RIMS1: variants seen among roughly 807,000 people sequenced by gnomAD.
The protein encoded by RIMS1 is regulating synaptic membrane exocytosis 1.
A neutral mutation model predicts 214.1 loss-of-function variants in RIMS1; 83 were observed. The observed-to-expected ratio is 0.39, with a 90% confidence interval of 0.32 to 0.47. RIMS1 has a LOEUF of 0.47. Ranked by LOEUF, RIMS1 falls within the 20% of genes least tolerant of loss-of-function variation. RIMS1 has a pLI of 0.99. For missense variants in RIMS1, 2,050 were observed against 2,161.8 expected (o/e 0.95, Z 1.03); for synonymous variants, 793 against 786.8 (o/e 1.01, Z -0.13).
chr6:71,979,293 A>G (rs1048221928), intron 2 of RIMS1, among the ~76,000 whole-genome samples: 5 of 152,006 alleles, frequency 3.3e-5, no homozygotes, highest in African/African-American at 1.2e-4. Context: ...TGGCAGCTTT[A>G]CATTAAGCCA....
chr6:72,106,183 G>A lies in RIMS1; in HGVS notation c.471+6197G>A, dbSNP rs9442740. ...TGTAAACTTCAACAGCAAATATTTT[G>A]TTTTCAGAAAGTAATCCTTTTGAAT... On this transcript the variant is annotated intron_variant, in intron 4 of 33. Coordinates refer to ENST00000521978, the MANE Select transcript of RIMS1 (RefSeq NM_014989.7). 2.8e-3 allele frequency among the ~76,000 whole-genome samples: 428 copies of A among 152,132 alleles called. 2 individuals carry two copies. The highest frequency in any genetic ancestry group is 0.01 in the African/African-American group (417 of 41,530).
intron 4 of RIMS1, among the ~76,000 whole-genome samples, chr6:72,175,629 C>T (rs941298152): frequency 3.3e-5 from 5 of 151,486 alleles, no homozygotes; most frequent in East Asian, 1.9e-4. Context: ...GCCAAGATCG[C>T]GACACTGAAC....
chr6:72,193,817 T>A (rs2050438426), intron 6 of RIMS1, among the ~76,000 whole-genome samples: 1 of 152,172 alleles, frequency 6.6e-6, no homozygotes, highest in Non-Finnish European at 1.5e-5. Context: ...ATGTTTATTA[T>A]CATAATTATG....
chr6:72,376,094 A>G (rs768615950), intron 29 of RIMS1, among the ~76,000 whole-genome samples: 1 of 152,146 alleles, frequency 6.6e-6, no homozygotes, highest in Admixed American at 6.5e-5. Flanking sequence ...TAGCACCCCA[A>G]TTTTCTTTTA....
chr6:71,897,527 C>T (rs1772190281), intron 1 of RIMS1, among the ~76,000 whole-genome samples: 3 of 152,142 alleles, frequency 2.0e-5, no homozygotes, highest in Admixed American at 1.3e-4. Context: ...ATACTTTTCT[C>T]TCCATCAGAA....
intron 27 of RIMS1, among the ~76,000 whole-genome samples, chr6:72,309,826 T>C (rs1228512913): frequency 6.6e-6 from 1 of 152,040 alleles, no homozygotes; most frequent in Non-Finnish European, 1.5e-5. Context: ...TTTTCTTATA[T>C]GTCAAGTAGA....
intron 4 of RIMS1, among the ~76,000 whole-genome samples, chr6:72,115,222 A>G (rs931365480): frequency 1.3e-5 from 2 of 151,914 alleles, no homozygotes; most frequent in African/African-American, 4.8e-5. Context: ...ATTTTCTTAG[A>G]CATACCTAAA....
chr6:72,009,455 G>C (rs1049462720), intron 2 of RIMS1, among the ~76,000 whole-genome samples: 1 of 151,984 alleles, frequency 6.6e-6, no homozygotes, highest in African/African-American at 2.4e-5. Context: ...GCTAGCAGAA[G>C]GCAAGAAATA....
At chr6:72,297,661 C>A (rs1478279007) in intron 26 of RIMS1, among the ~76,000 whole-genome samples, 16 of 151,852 alleles carry the variant, frequency 1.1e-4, no homozygotes, top group Admixed American at 1.1e-3. Flanking sequence ...ACAGAATAGA[C>A]CACATTTTTA....
At chr6:72,218,051 A>G (rs2056944778) in intron 6 of RIMS1, among the ~76,000 whole-genome samples, 2 of 151,676 alleles carry the variant, frequency 1.3e-5, no homozygotes, top group South Asian at 4.2e-4. Flanking sequence ...CAATTATTAA[A>G]TGTTCAAAGG....
At chr6:72,039,599 C>T (rs746082499) in intron 2 of RIMS1, among the ~76,000 whole-genome samples, 3 of 152,090 alleles carry the variant, frequency 2.0e-5, no homozygotes, top group Non-Finnish European at 4.4e-5. Context: ...CAAAGTACCT[C>T]TGCCTCCCAA....
intron 2 of RIMS1, among the ~76,000 whole-genome samples, chr6:71,990,583 T>G (rs570617410): frequency 8.0e-4 from 121 of 152,002 alleles, no homozygotes; most frequent in African/African-American, 2.8e-3. Context: ...GGCCTAAGCC[T>G]GCTCCTCCAG....
intron 2 of RIMS1, among the ~76,000 whole-genome samples, chr6:72,065,188 A>C (rs1554209668): frequency 6.6e-6 from 1 of 152,192 alleles, no homozygotes; most frequent in Non-Finnish European, 1.5e-5. Context: ...AACAGGTCTT[A>C]GGCCAAACCC....
At chr6:72,044,065 A>C (rs1017695421) in intron 2 of RIMS1, among the ~76,000 whole-genome samples, 1 of 151,672 alleles carries the variant, frequency 6.6e-6, no homozygotes, top group Non-Finnish European at 1.5e-5. Flanking sequence ...TATTTTTCTG[A>C]GAAATCAGTA....
At chr6:71,943,551 G>A (rs1050913333) in intron 1 of RIMS1, among the ~76,000 whole-genome samples, 31 of 152,148 alleles carry the variant, frequency 2.0e-4, no homozygotes, top group African/African-American at 6.8e-4. Context: ...ATTTAGCACT[G>A]CTTTAATAAT....
intron 1 of RIMS1, among the ~76,000 whole-genome samples, chr6:71,939,628 C>T (rs563049954): frequency 6.6e-6 from 1 of 152,258 alleles, no homozygotes; most frequent in South Asian, 2.1e-4. Flanking sequence ...CAACTTAACA[C>T]TGTGGAAGGC....
At chr6:71,946,903 A>C (rs1279472717) in intron 1 of RIMS1, among the ~76,000 whole-genome samples, 1 of 152,150 alleles carries the variant, frequency 6.6e-6, no homozygotes, top group Non-Finnish European at 1.5e-5. Flanking sequence ...ATAAGAGGTT[A>C]GTATCCAAAA....
chr6:72,326,858 A>G (rs2096489806), intron 28 of RIMS1, among the ~76,000 whole-genome samples: 1 of 151,772 alleles, frequency 6.6e-6, no homozygotes, highest in Non-Finnish European at 1.5e-5. Flanking sequence ...GAGTGCTTAT[A>G]AGTGAAAAAA....
At chr6:72,344,578 T>A (rs552076221) in intron 29 of RIMS1, among the ~76,000 whole-genome samples, 1 of 151,936 alleles carries the variant, frequency 6.6e-6, no homozygotes, top group Admixed American at 6.6e-5. Flanking sequence ...AAAAACATTC[T>A]GAAGAATGTA....
Sources: allele counts gnomAD v4.1 joint callset (sites outside exome capture counted in the v4.1 genomes callset), GRCh38; gene constraint gnomAD v4.1.1; transcripts MANE v1.5; gene names NCBI Gene and HGNC (gene_info 2026-07-23, HGNC 2026-07-21).